The following MYCT1 variants were observed in gnomAD, a reference collection of about 807,000 sequenced individuals.
MYCT1 encodes the protein myc target protein 1.
A neutral mutation model predicts 15.0 loss-of-function variants in MYCT1; 12 were observed. The ratio of observed to expected loss-of-function variants is 0.80; its 90% CI spans 0.51 to 1.29. The LOEUF is 1.29. Ranked by LOEUF, MYCT1 falls within the 50% of genes most tolerant of loss-of-function variation. The pLI is 0.00. For synonymous variants in MYCT1, 104 were observed against 102.7 expected, an observed-to-expected ratio of 1.01 and a Z score of -0.07; for missense variants, 287 against 279.1, an observed-to-expected ratio of 1.03 and a Z score of -0.20.
chr6:152,707,451 A>G (rs2099722487), intron 1 of MYCT1, among the ~76,000 whole-genome samples: 1 of 152,058 alleles, frequency 6.6e-6, no homozygotes, highest in African/African-American at 2.4e-5. Flanking sequence ...CTCATTCTGT[A>G]GGCGTCTCTT....
the MYCT1 span, among the ~76,000 whole-genome samples, chr6:152,746,216 A>G: frequency 1.3e-5 from 2 of 152,234 alleles, no homozygotes. Context: ...AGGGTGATTG[A>G]GTTGAAGGCT....
chr6:152,699,141 A>G (rs2099720913), intron 1 of MYCT1, among the ~76,000 whole-genome samples: 1 of 152,186 alleles, frequency 6.6e-6, no homozygotes. Flanking sequence ...GAACTTTCAC[A>G]TAAACAGTGA....
chr6:152,744,163 G>C, the MYCT1 span, among the ~76,000 whole-genome samples: 1 of 152,132 alleles, frequency 6.6e-6, no homozygotes, highest in Admixed American at 6.5e-5. Flanking sequence ...TCCTGGAGGG[G>C]ACTCGAGGAG....
chr6:152,727,632 G>A (rs77297992), downstream of MYCT1, among the ~76,000 whole-genome samples: 1,400 of 152,300 alleles, frequency 9.2e-3, 20 homozygotes, highest in African/African-American at 0.032. Context: ...CATATGTGGT[G>A]GCTTTTGTAA....
intron 1 of MYCT1, among the ~76,000 whole-genome samples, chr6:152,715,047 C>T (rs2099723410): frequency 6.6e-6 from 1 of 152,072 alleles, no homozygotes; most frequent in Non-Finnish European, 1.5e-5. Context: ...TTGGCAGCCC[C>T]TGAACACCAA....
intron 1 of MYCT1, among the ~76,000 whole-genome samples, chr6:152,718,764 T>A (rs371298159): frequency 6.6e-6 from 1 of 152,168 alleles, no homozygotes; most frequent in East Asian, 1.9e-4. Context: ...AGTAACTGAA[T>A]ATATTTTCTC....
Position 152,700,680 on chromosome 6 carries a change from T to C in MYCT1, c.196+2582T>C, listed in dbSNP as rs577311740. 2.6e-5 allele frequency among the ~76,000 whole-genome samples: 4 copies of C among 152,250 alleles called. No homozygotes were observed. In the East Asian group the frequency reaches 5.8e-4, roughly 22 times the overall value. The stretch of plus-strand genomic sequence containing the variant: ...TCTCTATAAACATTCCCATGAAAGC[T>C]GCAGGAAACATGGCCCGTGAAAATT... On this transcript the variant is annotated intron_variant, in intron 1 of 1. Transcript: ENST00000367245.
chr6:152,727,074 G>A (rs1320913826), downstream of MYCT1, among the ~76,000 whole-genome samples: 1 of 152,020 alleles, frequency 6.6e-6, no homozygotes. Context: ...AGCCAGGCAT[G>A]GTGGCGGGCG....
At chr6:152,701,676 T>C (rs1480738778) in intron 1 of MYCT1, among the ~76,000 whole-genome samples, 1 of 152,190 alleles carries the variant, frequency 6.6e-6, no homozygotes, top group Non-Finnish European at 1.5e-5. Flanking sequence ...TGACATGTAT[T>C]TCTCATCAGC....
In MYCT1 at chr6:152,724,428, T is replaced by A. The variant is rs868441821; in HGVS notation, c.*2175T>A. 6 of 152,294 alleles carry A rather than the reference T, an allele frequency of 3.9e-5. No homozygotes were observed. In the South Asian group the frequency reaches 1.2e-3, roughly 32 times the overall value. 9.4% of individuals were successfully genotyped at this position (152,294 alleles called of 1,614,324 possible). ...AATTGTTGCTGCACCCTTATCCCAG[T>A]TATAAGACAGTCAAAATGACTATTT... On this transcript the variant is annotated 3_prime_UTR_variant, in exon 2 of 2. Coordinates refer to ENST00000367245, the MANE Select transcript of MYCT1 (RefSeq NM_025107.3).
chr6:152,742,090 A>G, the MYCT1 span, among the ~76,000 whole-genome samples: 1 of 152,230 alleles, frequency 6.6e-6, no homozygotes, highest in Non-Finnish European at 1.5e-5. Context: ...ATTACGTGAC[A>G]GCAACATGCT....
intron 1 of MYCT1, among the ~76,000 whole-genome samples, chr6:152,702,117 C>T (rs971488510): frequency 5.9e-5 from 9 of 152,114 alleles, no homozygotes; most frequent in African/African-American, 2.2e-4. Context: ...GAGAGTGATG[C>T]TTCCCTTCTC....
the MYCT1 span, among the ~76,000 whole-genome samples, chr6:152,733,142 C>T: frequency 6.6e-6 from 1 of 151,972 alleles, no homozygotes; most frequent in African/African-American, 2.4e-5. Flanking sequence ...CTCACTCTGT[C>T]ACCCAGGTTG....
At chr6:152,716,856 G>C (rs1036269364) in intron 1 of MYCT1, among the ~76,000 whole-genome samples, 1 of 152,086 alleles carries the variant, frequency 6.6e-6, no homozygotes. Flanking sequence ...TAATCATTTG[G>C]TCTCATAAGT....
downstream of MYCT1, among the ~76,000 whole-genome samples, chr6:152,728,548 A>T (rs1468616909): frequency 2.4e-4 from 9 of 37,442 alleles, no homozygotes; most frequent in Admixed American, 3.8e-3. Context: ...TCTAAGTAGA[A>T]AAAAAAAACC....
intron 1 of MYCT1, among the ~76,000 whole-genome samples, chr6:152,702,176 C>A (rs1003600673): frequency 6.6e-6 from 1 of 152,138 alleles, no homozygotes; most frequent in Non-Finnish European, 1.5e-5. Context: ...TTTGTCTCCC[C>A]AAAGCTCCTC....
chr6:152,705,335 A>G (rs2099722071), intron 1 of MYCT1, among the ~76,000 whole-genome samples: 2 of 152,184 alleles, frequency 1.3e-5, no homozygotes, highest in Admixed American at 6.5e-5. Context: ...GCTATACTGA[A>G]AGTGAAAAGC....
At chr6:152,731,455 TG>T in the MYCT1 span, among the ~76,000 whole-genome samples, 1 of 152,144 alleles carries the variant, frequency 6.6e-6, no homozygotes, top group Non-Finnish European at 1.5e-5. Flanking sequence ...TGTGCCATGT[TG>T]GTGTGCTGCA....
the MYCT1 span, among the ~76,000 whole-genome samples, chr6:152,741,106 A>C: frequency 6.6e-6 from 1 of 151,672 alleles, no homozygotes; most frequent in Non-Finnish European, 1.5e-5. Flanking sequence ...CAGAACAAAG[A>C]AAAAAAATCC....
Sources: allele counts gnomAD v4.1 joint callset (sites outside exome capture counted in the v4.1 genomes callset), GRCh38; gene constraint gnomAD v4.1.1; transcripts MANE v1.5; gene names NCBI Gene and HGNC (gene_info 2026-07-23, HGNC 2026-07-21).